Variants in TRMT9B observed in about 807,000 individuals in gnomAD.
The protein encoded by TRMT9B is probable tRNA methyltransferase 9B.
Under a neutral mutation model 11.5 loss-of-function variants are expected in TRMT9B, and 16 were observed. The observed-to-expected ratio is 1.39, with a 90% CI of 0.94 to 2.11. The LOEUF is 2.11. Among genes scored for constraint, TRMT9B ranks in the 30% most tolerant of loss-of-function variants. The pLI, the probability that TRMT9B is intolerant of heterozygous loss-of-function variation, is 0.00. For synonymous variants in TRMT9B, 274 were observed against 192.4 expected (o/e 1.42, Z -3.51); for missense variants, 941 against 553.8 (o/e 1.70, Z -7.02).
At chr8:13,020,361 G>A (rs1813587325) in intron 4 of TRMT9B, among the ~76,000 whole-genome samples, 1 of 152,080 alleles carries the variant, frequency 6.6e-6, no homozygotes, top group South Asian at 2.1e-4. Flanking sequence ...CTTGATAAAG[G>A]CAGTCTTACT....
chr8:12,969,766 G>C (rs541101250), intron 1 of TRMT9B, among the ~76,000 whole-genome samples: 7 of 151,790 alleles, frequency 4.6e-5, no homozygotes, highest in African/African-American at 1.7e-4. Flanking sequence ...CAAGTGCCTG[G>C]GCTCCAGGAA....
intron 1 of TRMT9B, among the ~76,000 whole-genome samples, chr8:12,974,680 T>C (rs530443198): frequency 2.8e-4 from 42 of 152,152 alleles, no homozygotes; most frequent in Non-Finnish European, 5.1e-4. Context: ...TGTTGTGAGG[T>C]TGATGAAAAG....
rs1429987943 is a variant in TRMT9B at position 13,023,053 on chromosome 8, T to C, written c.*1009T>C. On this transcript the variant is annotated 3_prime_UTR_variant, in exon 5 of 5. Transcript: ENST00000524591. ...GAGTGGAGTATGTAGGTAGTAGGAG[T>C]TATATGCAAGTACCCAAGTGGTATT... 1 of 166,948 alleles carries C rather than the reference T, an allele frequency of 6.0e-6. No homozygotes were observed. Among genetic ancestry groups the C allele is most frequent in the Non-Finnish European group, 1.5e-5 (1 of 68,108 alleles). The allele number at this position is 166,948 out of a possible 1,614,324, so 10.3% of individuals were successfully genotyped here.
chr8:13,015,471 C>T (rs564902152), intron 4 of TRMT9B, among the ~76,000 whole-genome samples: 9 of 152,228 alleles, frequency 5.9e-5, no homozygotes, highest in Non-Finnish European at 1.5e-5. Flanking sequence ...CCTGCCTCAG[C>T]CTCCCAAGTA....
intron 1 of TRMT9B, among the ~76,000 whole-genome samples, chr8:12,971,990 T>C (rs189129176): frequency 6.6e-6 from 1 of 152,224 alleles, no homozygotes; most frequent in East Asian, 1.9e-4. Flanking sequence ...AGCCAAATAC[T>C]GAAAAGAAAC....
At position 13,022,879 on chromosome 8, in the gene TRMT9B, A is replaced by G. The variant is rs922465366; in HGVS notation, c.*835A>G. The G allele has an allele frequency of 1.2e-5, 2 of 166,446 alleles. No homozygotes were observed. Among genetic ancestry groups the G allele is most frequent in the African/African-American group, 4.8e-5 (2 of 41,396 alleles). 10.3% of individuals were successfully genotyped at this position (166,446 alleles called of 1,614,324 possible). On this transcript the variant is annotated 3_prime_UTR_variant, in exon 5 of 5. Transcript: ENST00000524591. The stretch of plus-strand genomic sequence containing the variant: ...ATGCCTGTCATCCAAGCTACTCAAG[A>G]GACTGAGGCAGGAGGATCACGTGAG...
At chr8:12,958,876 T>A (rs1022996610) in intron 1 of TRMT9B, 1 of 152,054 alleles carries the variant, frequency 6.6e-6, no homozygotes, top group African/African-American at 2.4e-5. Flanking sequence ...TTCTCATTCA[T>A]AGGTGGGAAT....
At chr8:13,000,496 G>A (rs1413861854) in intron 2 of TRMT9B, among the ~76,000 whole-genome samples, 2 of 152,160 alleles carry the variant, frequency 1.3e-5, no homozygotes, top group East Asian at 3.8e-4. Flanking sequence ...GTGGGGCAAG[G>A]GAAGGAACAA....
intron 3 of TRMT9B, chr8:13,011,122 G>A (rs1811527603): frequency 6.3e-6 from 2 of 317,648 alleles, no homozygotes; most frequent in South Asian, 1.3e-4. Flanking sequence ...GAGTAACTGG[G>A]ATTACAGGTA....
At chr8:13,004,598 C>A (rs553260909) in intron 2 of TRMT9B, among the ~76,000 whole-genome samples, 15 of 151,958 alleles carry the variant, frequency 9.9e-5, no homozygotes, top group Non-Finnish European at 1.9e-4. Flanking sequence ...AAGGGAAGGA[C>A]CTAGTCCTGT....
intron 1 of TRMT9B, among the ~76,000 whole-genome samples, chr8:12,978,367 A>T (rs1008438094): frequency 6.6e-6 from 1 of 152,130 alleles, no homozygotes. Flanking sequence ...GATTGTGCCC[A>T]TTGCAACCTG....
At position 13,021,084 on chromosome 8, in the gene TRMT9B, C is replaced by G. The variant is rs1047622992; in HGVS notation, c.405C>G (p.Gly135=). The G allele has an allele frequency of 5.6e-6, 9 of 1,607,284 alleles. No homozygotes were observed. The highest frequency in any genetic ancestry group is 7.7e-6 in the Non-Finnish European group (9 of 1,176,308). Residue 135 remains glycine, a synonymous_variant, in exon 5 of 5, where the codon GGC becomes GGG. Coordinates refer to ENST00000524591, the MANE Select transcript of TRMT9B (RefSeq NM_020844.3). ...TGGCCAGGGTCTTAGTTCCCGGAGG[C>G]CAACTGATGATTTACGTTTGGGCAA... ...KEMARVLVPG[G]QLMIYVWAME...
intron 1 of TRMT9B, among the ~76,000 whole-genome samples, chr8:12,967,589 A>G (rs1802997455): frequency 6.6e-6 from 1 of 152,260 alleles, no homozygotes; most frequent in Non-Finnish European, 1.5e-5. Flanking sequence ...CAATGAACTA[A>G]TAATTAAATG....
intron 1 of TRMT9B, among the ~76,000 whole-genome samples, chr8:12,957,904 C>G (rs1801523026): frequency 6.6e-6 from 1 of 152,122 alleles, no homozygotes. Flanking sequence ...ACGTTTTTAT[C>G]TTCTCAAAGT....
At chr8:12,989,328 T>C (rs1806913922) in intron 1 of TRMT9B, among the ~76,000 whole-genome samples, 1 of 152,236 alleles carries the variant, frequency 6.6e-6, no homozygotes, top group Admixed American at 6.5e-5. Flanking sequence ...GACCCCATTC[T>C]ATCTTTGCCC....
chr8:12,994,079 A>C (rs2954183), intron 2 of TRMT9B, among the ~76,000 whole-genome samples: 120,637 of 152,182 alleles, frequency 0.79, 47,994 homozygotes, highest in Middle Eastern at 0.86. Context: ...CCACTGCCAC[A>C]GTCAATGTGC....
At chr8:12,991,196 T>C (rs2128878891) in intron 2 of TRMT9B, among the ~76,000 whole-genome samples, 165 bp downstream of exon 2, 1 of 152,336 alleles carries the variant, frequency 6.6e-6, no homozygotes, top group East Asian at 1.9e-4. Context: ...AAAACAGTAT[T>C]TGAAAGTAGT....
chr8:12,968,834 C>T (rs1037723356), intron 1 of TRMT9B, among the ~76,000 whole-genome samples: 3 of 152,170 alleles, frequency 2.0e-5, no homozygotes, highest in Non-Finnish European at 4.4e-5. Context: ...ACAGGCCTGG[C>T]CTGACTCACC....
At chr8:12,962,213 A>T (rs889857371) in intron 1 of TRMT9B, 2 of 152,322 alleles carry the variant, frequency 1.3e-5, no homozygotes, top group African/African-American at 2.4e-5. Context: ...ACACCATCAT[A>T]ACTATGGAAA....
Sources: allele counts gnomAD v4.1 joint callset (sites outside exome capture counted in the v4.1 genomes callset), GRCh38; gene constraint gnomAD v4.1.1; transcripts MANE v1.5; gene names NCBI Gene and HGNC (gene_info 2026-07-23, HGNC 2026-07-21).